PTPRN2: variants seen among roughly 807,000 people sequenced by gnomAD.
The protein encoded by PTPRN2 is protein tyrosine phosphatase receptor type N2, also known as receptor-type tyrosine-protein phosphatase N2.
In PTPRN2, 74 loss-of-function variants were observed where a neutral mutation model predicts 118.8. The ratio of observed to expected loss-of-function variants is 0.62; its 90% CI spans 0.52 to 0.76. PTPRN2 has a LOEUF of 0.76. Among genes scored for constraint, PTPRN2 ranks in the 30% least tolerant of loss-of-function variants. PTPRN2 has a pLI of 0.00. For synonymous variants in PTPRN2, 641 were observed against 608.0 expected, an observed-to-expected ratio of 1.05 and a Z score of -0.80; for missense variants, 1,481 against 1,394.4, an observed-to-expected ratio of 1.06 and a Z score of -0.99.
chr7:158,574,120 T>A lies in PTPRN2; in HGVS notation c.112+13438A>T, dbSNP rs1427251633. ...AAGATTAAAAATCATCGTTCGGACT[T>A]TCTCAATTATAGATTTATGCATATT... On this transcript the variant is annotated intron_variant, in intron 1 of 22. Coordinates refer to ENST00000389418, the MANE Select transcript of PTPRN2 (RefSeq NM_002847.5). This position sits in a 1 kb window ranked among gnomAD's most constrained non-coding sequence, Gnocchi z 4.6. Among the ~76,000 whole-genome samples, 1 of 152,198 alleles carries A rather than the reference T, an allele frequency of 6.6e-6. No individual in the cohort carries two copies. The highest frequency in any genetic ancestry group is 1.5e-5 in the Non-Finnish European group (1 of 68,034).
At chr7:157,825,523 G>A (rs146198813) in intron 12 of PTPRN2, among the ~76,000 whole-genome samples, 9 of 152,186 alleles carry the variant, frequency 5.9e-5, no homozygotes, top group African/African-American at 1.9e-4. Flanking sequence ...TAATACACAC[G>A]TGTTTGCCAG....
intron 12 of PTPRN2, among the ~76,000 whole-genome samples, chr7:157,895,595 C>A (rs1473571810): frequency 6.6e-6 from 1 of 151,984 alleles, no homozygotes; most frequent in Non-Finnish European, 1.5e-5. Context: ...GAGAAAAGTA[C>A]CCAGCATTTG....
chr7:157,793,739 T>C (rs1804674361), intron 12 of PTPRN2, among the ~76,000 whole-genome samples: 1 of 152,178 alleles, frequency 6.6e-6, no homozygotes, highest in South Asian at 2.1e-4. Flanking sequence ...ATAGATCCAC[T>C]GGAGGCCTGA....
chr7:157,800,499 G>A lies in PTPRN2; in HGVS notation c.1788+98174C>T, dbSNP rs139588051. 7.6e-3 allele frequency among the ~76,000 whole-genome samples: 1,158 copies of A among 152,284 alleles called. 37 individuals carry two copies. The South Asian group carries it at 0.1, about 14-fold the overall frequency. On this transcript the variant is annotated intron_variant, in intron 12 of 22. Transcript: ENST00000389418. ...TGATCCAAAGACTCGGCATCCATGT[G>A]CCTCCCAGGCCGCCGCACTCCTCCT...
At chr7:158,348,607 G>A (rs1293331466) in intron 2 of PTPRN2, among the ~76,000 whole-genome samples, 1 of 152,164 alleles carries the variant, frequency 6.6e-6, no homozygotes, top group African/African-American at 2.4e-5. Context: ...GCTGGGCCAG[G>A]CCCCCAACAC....
intron 21 of PTPRN2, among the ~76,000 whole-genome samples, chr7:157,564,692 A>G (rs774636045): frequency 8.5e-5 from 13 of 152,242 alleles, no homozygotes; most frequent in Non-Finnish European, 1.8e-4. Context: ...GATGTTCAAC[A>G]TCACTAGTTG....
At chr7:158,417,482 A>G (rs868619495) in intron 2 of PTPRN2, among the ~76,000 whole-genome samples, 1 of 149,448 alleles carries the variant, frequency 6.7e-6, no homozygotes, top group South Asian at 2.1e-4. Context: ...TACTACATCG[A>G]GATGCTCTAG....
intron 12 of PTPRN2, among the ~76,000 whole-genome samples, chr7:157,736,092 G>A (rs1014208851): frequency 2.0e-5 from 3 of 152,186 alleles, no homozygotes; most frequent in Non-Finnish European, 2.9e-5. Context: ...GCCGGCACCC[G>A]CTGCCCTAGC....
At chr7:158,337,091 A>G (rs1354099907) in intron 2 of PTPRN2, among the ~76,000 whole-genome samples, 3 of 151,470 alleles carry the variant, frequency 2.0e-5, no homozygotes, top group Admixed American at 2.0e-4. Context: ...CGTCACTCAC[A>G]CCCACACTCT....
chr7:157,613,667 C>T (rs1033817748), intron 15 of PTPRN2, among the ~76,000 whole-genome samples: 1 of 152,228 alleles, frequency 6.6e-6, no homozygotes, highest in Non-Finnish European at 1.5e-5. Flanking sequence ...GTCTCCCACA[C>T]GCAGGGACCC....
chr7:157,851,375 G>C (rs540129240), intron 12 of PTPRN2, among the ~76,000 whole-genome samples: 45 of 151,482 alleles, frequency 3.0e-4, no homozygotes, highest in African/African-American at 1.1e-3. Flanking sequence ...GAATAAAAAT[G>C]CGCTTTCTTT....
chr7:157,807,365 A>G (rs1178958603), intron 12 of PTPRN2, among the ~76,000 whole-genome samples: 1 of 152,186 alleles, frequency 6.6e-6, no homozygotes, highest in Non-Finnish European at 1.5e-5. Context: ...CTGCACACAC[A>G]TGGCAGCCAG....
chr7:158,584,717 T>A (rs529534691), intron 1 of PTPRN2, among the ~76,000 whole-genome samples: 1 of 152,198 alleles, frequency 6.6e-6, no homozygotes, highest in Non-Finnish European at 1.5e-5. Context: ...TGCCAACAGC[T>A]GTTCTGGAAA....
chr7:157,749,957 C>T (rs937395493), intron 12 of PTPRN2, among the ~76,000 whole-genome samples: 1 of 151,008 alleles, frequency 6.6e-6, no homozygotes, highest in African/African-American at 2.4e-5. Flanking sequence ...AGGCCTGTGT[C>T]CCCGAGCTGT....
rs556324931 is a variant in PTPRN2 at position 157,861,479 on chromosome 7, G to T, written c.1788+37194C>A. 6.6e-6 allele frequency among the ~76,000 whole-genome samples: 1 copy of T among 152,202 alleles called. No individual in the cohort carries two copies. The highest frequency in any genetic ancestry group is 1.5e-5 in the Non-Finnish European group (1 of 68,028). On this transcript the variant is annotated intron_variant, in intron 12 of 22. Transcript: ENST00000389418. This position sits in a 1 kb window ranked among gnomAD's most constrained non-coding sequence, Gnocchi z 5.8. The stretch of plus-strand genomic sequence containing the variant: ...CTCCTGCCCTCGGACATGCTGGCCC[G>T]CCCTCCCTGAGTCTTGCAGGGCCCA...
rs1219378878 is a variant in PTPRN2, at chr7:158,546,651, G to A, written c.112+40907C>T. Reference sequence around the variant, plus strand: ...CAGACGCCACCTCTCCCGAGTAGCAGGTGGGTGACTACAGAGGTGCTCTGA... The same window carrying A: ...CAGACGCCACCTCTCCCGAGTAGCAAGTGGGTGACTACAGAGGTGCTCTGA... On this transcript the variant is annotated intron_variant, in intron 1 of 22. Coordinates refer to ENST00000389418, the MANE Select transcript of PTPRN2 (RefSeq NM_002847.5). This position sits in a 1 kb window ranked among gnomAD's most constrained non-coding sequence, Gnocchi z 5.0. 6.6e-6 allele frequency among the ~76,000 whole-genome samples: 1 copy of A among 152,218 alleles called. No homozygotes were observed. Among genetic ancestry groups the A allele is most frequent in the African/African-American group, 2.4e-5 (1 of 41,462 alleles).
intron 22 of PTPRN2, among the ~76,000 whole-genome samples, chr7:157,544,480 C>T (rs554776334): frequency 1.4e-4 from 22 of 152,288 alleles, no homozygotes; most frequent in African/African-American, 4.6e-4. Flanking sequence ...AGATGTGAGA[C>T]GGCAGGTTGG....
At chr7:157,880,045 G>A (rs191310764) in intron 12 of PTPRN2, among the ~76,000 whole-genome samples, 29 of 152,286 alleles carry the variant, frequency 1.9e-4, no homozygotes, top group African/African-American at 5.8e-4. Context: ...AGATAATCCC[G>A]TTATTGTCTG....
Position 157,797,171 on chromosome 7 carries a change from C to T in PTPRN2, c.1788+101502G>A, listed in dbSNP as rs575019838. On this transcript the variant is annotated intron_variant, in intron 12 of 22. Transcript: ENST00000389418. ...ACTATAAAGCAAAACCAAAAACGGA[C>T]CTCAGGTTTCTCTGCAATATGTAGG... is the stretch of plus-strand genomic sequence containing the variant. Among the ~76,000 whole-genome samples the T allele has an allele frequency of 2.6e-5, 4 of 152,286 alleles. No homozygotes were observed. In the South Asian group the frequency reaches 6.2e-4, roughly 24 times the overall value.
Sources: gnomAD v4.1 joint callset for allele counts (sites outside exome capture counted in the v4.1 genomes callset) on GRCh38, gnomAD v4.1.1 for gene constraint, Gnocchi (gnomAD v3.1) non-coding constraint, MANE v1.5 for transcripts, NCBI Gene and HGNC (gene_info 2026-07-23, HGNC 2026-07-21) for gene names.